Variants in ERO1B observed in about 807,000 individuals in gnomAD.
ERO1B encodes ERO1-like protein beta.
A neutral mutation model predicts 75.3 loss-of-function variants in ERO1B; 49 were observed. The observed-to-expected ratio is 0.65, with a 90% CI of 0.52 to 0.83. The LOEUF is 0.83. Among genes scored for constraint, ERO1B ranks in the 40% least tolerant of loss-of-function variants. The pLI, the probability that ERO1B is intolerant of heterozygous loss-of-function variation, is 0.00. For missense variants in ERO1B, 512 were observed against 560.1 expected (o/e 0.91, Z 0.87); for synonymous variants, 191 against 192.9 (o/e 0.99, Z 0.08).
chr1:236,280,654 T>C (rs1665811258), intron 1 of ERO1B, among the ~76,000 whole-genome samples: 1 of 152,178 alleles, frequency 6.6e-6, no homozygotes, highest in Non-Finnish European at 1.5e-5. Context: ...CAGGGCACCA[T>C]AAAACCATGA....
chr1:236,277,391 G>C (rs371411457), intron 1 of ERO1B, among the ~76,000 whole-genome samples: 1 of 148,726 alleles, frequency 6.7e-6, no homozygotes, highest in Non-Finnish European at 1.5e-5. Context: ...GTGACAGAGC[G>C]AGACTCTACT....
chr1:236,268,726 A>C (rs1032587015), intron 2 of ERO1B, among the ~76,000 whole-genome samples: 5 of 151,758 alleles, frequency 3.3e-5, no homozygotes, highest in Non-Finnish European at 7.4e-5. Context: ...CTCTACTAAA[A>C]ATACAAAATA....
chr1:236,270,733 T>C (rs1039023481), intron 1 of ERO1B, among the ~76,000 whole-genome samples: 2 of 152,188 alleles, frequency 1.3e-5, no homozygotes, highest in African/African-American at 4.8e-5. Flanking sequence ...GGAATTATCC[T>C]GAATGAAAAA....
At chr1:236,276,362 G>A (rs758573594) in intron 1 of ERO1B, among the ~76,000 whole-genome samples, 13 of 152,158 alleles carry the variant, frequency 8.5e-5, no homozygotes, top group Non-Finnish European at 1.9e-4. Context: ...AAGATAAAGA[G>A]AAGAAAGAGT....
chr1:236,280,999 C>G (rs1311062109), intron 1 of ERO1B, among the ~76,000 whole-genome samples: 1 of 152,200 alleles, frequency 6.6e-6, no homozygotes, highest in Non-Finnish European at 1.5e-5. Flanking sequence ...CAGCCAGCAC[C>G]TCACGACTGC....
chr1:236,265,660 T>G (rs1003780387), intron 2 of ERO1B, among the ~76,000 whole-genome samples: 2 of 152,210 alleles, frequency 1.3e-5, no homozygotes, highest in Non-Finnish European at 2.9e-5. Context: ...CTTCAGTAGT[T>G]TCTTATCCTG....
intron 4 of ERO1B, 68 bp downstream of exon 4, chr1:236,251,982 C>T (rs1426201433): frequency 1.7e-6 from 2 of 1,168,604 alleles, no homozygotes; most frequent in Non-Finnish European, 2.5e-6. Flanking sequence ...ACTACAGCCA[C>T]TGTCAGTCAG....
chr1:236,244,121 A>ATATTCAGGCCTATATTCTATATTCAGG (rs1664778879), intron 5 of ERO1B, among the ~76,000 whole-genome samples: 1 of 152,126 alleles, frequency 6.6e-6, no homozygotes, highest in African/African-American at 2.4e-5. Context: ...ATTAACTTGA[A>ATATTCAGGCCTATATTCTATATTCAGG]CCTATATTCA....
chr1:236,242,372 TGATAA>T (rs200063922), intron 6 of ERO1B, among the ~76,000 whole-genome samples: 10,422 of 152,190 alleles, frequency 0.068, 726 homozygotes, highest in East Asian at 0.39. Context: ...TGGCTTGCTT[TGATAA>T]AAGTTTTACC....
chr1:236,249,572 TA>T (rs1327794870), intron 5 of ERO1B, among the ~76,000 whole-genome samples: 1 of 152,178 alleles, frequency 6.6e-6, no homozygotes, highest in Non-Finnish European at 1.5e-5. Context: ...TAAAAAGATT[TA>T]GGAGTTCAAG....
At position 236,217,306 on chromosome 1, in the gene ERO1B, A is replaced by G. The variant is rs1664014772; in HGVS notation, c.*1210T>C. On this transcript the variant is annotated 3_prime_UTR_variant, in exon 16 of 16. Coordinates refer to ENST00000354619, the MANE Select transcript of ERO1B (RefSeq NM_019891.4). Reference sequence around the variant, plus strand: ...TTTAAAAAAAATCAAGATTTTAAATATTGTCTAAAGATTTTAAATCCCAGA... The same window carrying G: ...TTTAAAAAAAATCAAGATTTTAAATGTTGTCTAAAGATTTTAAATCCCAGA... 6.6e-6 allele frequency: 1 copy of G among 151,674 alleles called. No individual in the cohort carries two copies. Among genetic ancestry groups the G allele is most frequent in the African/African-American group, 2.4e-5 (1 of 41,294 alleles). The allele number at this position is 151,674 out of a possible 1,614,324, so 9.4% of individuals were successfully genotyped here. A position where few individuals can be genotyped will look rare whatever the true frequency, so the allele number is the denominator to read the frequency against.
intron 8 of ERO1B, among the ~76,000 whole-genome samples, chr1:236,234,483 A>T (rs1159784371): frequency 6.6e-6 from 1 of 152,228 alleles, no homozygotes; most frequent in Non-Finnish European, 1.5e-5. Flanking sequence ...ATATTGCTTC[A>T]ATTTTTATAA....
At chr1:236,227,700 G>A (rs898186858) in intron 10 of ERO1B, among the ~76,000 whole-genome samples, 3 of 152,024 alleles carry the variant, frequency 2.0e-5, no homozygotes, top group African/African-American at 7.2e-5. Flanking sequence ...TTTTTTTAAT[G>A]TAAGAGTATG....
At chr1:236,237,877 G>C (rs1572040624) in intron 6 of ERO1B, among the ~76,000 whole-genome samples, 1 of 152,248 alleles carries the variant, frequency 6.6e-6, no homozygotes, top group Non-Finnish European at 1.5e-5. Context: ...GTCTTGCTTT[G>C]TCTCTCAGGC....
intron 10 of ERO1B, among the ~76,000 whole-genome samples, chr1:236,227,983 TACA>T (rs886893179): frequency 2.6e-5 from 4 of 152,216 alleles, no homozygotes; most frequent in African/African-American, 9.6e-5. Context: ...ATATATTTAA[TACA>T]ACATTAAGTA....
intron 5 of ERO1B, among the ~76,000 whole-genome samples, chr1:236,246,186 G>A (rs1293544367): frequency 1.3e-5 from 2 of 151,788 alleles, no homozygotes; most frequent in Non-Finnish European, 2.9e-5. Flanking sequence ...TTTTTTCACA[G>A]ATAGTGTCTC....
chr1:236,255,319 GTC>G (rs1665136889), intron 2 of ERO1B, among the ~76,000 whole-genome samples: 1 of 152,074 alleles, frequency 6.6e-6, no homozygotes, highest in African/African-American at 2.4e-5. Flanking sequence ...CCGCATTCAA[GTC>G]TCTCTCACAT....
chr1:236,252,969 A>T (rs574619942), intron 3 of ERO1B, among the ~76,000 whole-genome samples: 11 of 149,230 alleles, frequency 7.4e-5, no homozygotes, highest in African/African-American at 2.5e-4. Flanking sequence ...GTTTTTTTTT[A>T]AATGTAAATG....
intron 2 of ERO1B, among the ~76,000 whole-genome samples, chr1:236,268,629 G>A (rs1204723325): frequency 1.3e-5 from 2 of 152,148 alleles, no homozygotes; most frequent in African/African-American, 2.4e-5. Flanking sequence ...GCTCACGCCT[G>A]TAATCCCAGC....
Sources: gnomAD v4.1 joint callset for allele counts (sites outside exome capture counted in the v4.1 genomes callset) on GRCh38, gnomAD v4.1.1 for gene constraint, MANE v1.5 for transcripts, NCBI Gene and HGNC (gene_info 2026-07-23, HGNC 2026-07-21) for gene names.